Variants in UBE2E2 observed in about 807,000 individuals in gnomAD.
UBE2E2 encodes the protein ubiquitin-conjugating enzyme E2 E2.
A neutral mutation model predicts 24.7 loss-of-function variants in UBE2E2; 6 were observed. That is an observed-to-expected ratio of 0.24 (90% CI 0.13 to 0.48). UBE2E2 has a LOEUF of 0.48. UBE2E2 is among the 20% of genes least tolerant of loss of function. UBE2E2 has a pLI of 0.99. For synonymous variants in UBE2E2, 104 were observed against 83.6 expected, an observed-to-expected ratio of 1.24 and a Z score of -1.33; for missense variants, 169 against 245.0, an observed-to-expected ratio of 0.69 and a Z score of 2.07.
At chr3:23,215,373 A>G (rs1162366911) in intron 2 of UBE2E2, among the ~76,000 whole-genome samples, 4 of 152,152 alleles carry the variant, frequency 2.6e-5, no homozygotes, top group African/African-American at 2.4e-5. Context: ...GATTAACTAC[A>G]AGGCCAGTGT....
chr3:23,369,912 G>C (rs1451351252), intron 3 of UBE2E2, among the ~76,000 whole-genome samples: 2 of 152,040 alleles, frequency 1.3e-5, no homozygotes, highest in Non-Finnish European at 2.9e-5. Context: ...GGAAATTTTA[G>C]GTAAATTTTG....
chr3:23,246,693 G>C (rs1012922207), intron 3 of UBE2E2, among the ~76,000 whole-genome samples: 31 of 151,422 alleles, frequency 2.0e-4, no homozygotes, highest in African/African-American at 7.3e-4. Flanking sequence ...GATATTTTGA[G>C]CTTTGAGTAG....
intron 3 of UBE2E2, among the ~76,000 whole-genome samples, chr3:23,487,731 G>A (rs768233017): frequency 6.6e-6 from 1 of 152,166 alleles, no homozygotes; most frequent in African/African-American, 2.4e-5. Flanking sequence ...GGATTTGGAC[G>A]CTTCATCTCT....
At chr3:23,463,112 T>C (rs1468246879) in intron 3 of UBE2E2, among the ~76,000 whole-genome samples, 1 of 152,150 alleles carries the variant, frequency 6.6e-6, no homozygotes, top group Admixed American at 6.5e-5. Flanking sequence ...ATTTACTGAA[T>C]GTTGCATTAA....
chr3:23,467,271 G>A (rs1258666277), intron 3 of UBE2E2, among the ~76,000 whole-genome samples: 1 of 152,174 alleles, frequency 6.6e-6, no homozygotes, highest in East Asian at 1.9e-4. Context: ...GATCTTTTAA[G>A]TGTGTTTTTT....
At chr3:23,525,127 A>G (rs1397612104) in intron 4 of UBE2E2, among the ~76,000 whole-genome samples, 1 of 152,092 alleles carries the variant, frequency 6.6e-6, no homozygotes, top group Non-Finnish European at 1.5e-5. Flanking sequence ...CACATCACTT[A>G]TCACATCCCC....
intron 3 of UBE2E2, among the ~76,000 whole-genome samples, chr3:23,353,986 A>G (rs894321277): frequency 6.6e-6 from 1 of 152,236 alleles, no homozygotes; most frequent in African/African-American, 2.4e-5. Flanking sequence ...ACTTCAAACT[A>G]TACTACAAGG....
intron 3 of UBE2E2, among the ~76,000 whole-genome samples, chr3:23,353,771 T>C (rs1365743556): frequency 2.0e-5 from 3 of 152,134 alleles, no homozygotes; most frequent in Non-Finnish European, 4.4e-5. Context: ...TCCATGCTCA[T>C]GGGTAGGAAG....
At position 23,515,120 on chromosome 3, in the gene UBE2E2, GGTGTGTGTGT is replaced by G. The variant is rs58387270; in HGVS notation, c.360+15405_360+15414del. On this transcript the variant is annotated intron_variant, in intron 4 of 5. Coordinates refer to ENST00000396703, the MANE Select transcript of UBE2E2 (RefSeq NM_152653.4). Reference sequence around the variant, plus strand: ...AGTTGTAGGGACAAAATAAACTTGGGGTGTGTGTGTGTGTGTGTGTGTGTGTGTGTGTGTA... The same window carrying G: ...AGTTGTAGGGACAAAATAAACTTGGGGTGTGTGTGTGTGTGTGTGTGTGTA... 1.8e-3 allele frequency among the ~76,000 whole-genome samples: 272 copies of G among 148,112 alleles called. 1 individual carries two copies. Among genetic ancestry groups the G allele is most frequent in the African/African-American group, 5.7e-3 (231 of 40,388 alleles).
intron 2 of UBE2E2, among the ~76,000 whole-genome samples, chr3:23,209,560 G>A (rs1696260319): frequency 6.6e-6 from 1 of 152,178 alleles, no homozygotes; most frequent in South Asian, 2.1e-4. Flanking sequence ...TCCTGATCCT[G>A]TGATTTTATG....
intron 5 of UBE2E2, among the ~76,000 whole-genome samples, chr3:23,581,535 TAACA>T (rs1053920557): frequency 5.3e-5 from 8 of 152,212 alleles, no homozygotes; most frequent in African/African-American, 1.9e-4. Flanking sequence ...TTAATTCTCA[TAACA>T]AACTATGAAG....
intron 4 of UBE2E2, among the ~76,000 whole-genome samples, chr3:23,521,664 C>T (rs569359744): frequency 5.3e-5 from 8 of 152,258 alleles, no homozygotes; most frequent in Admixed American, 3.9e-4. Flanking sequence ...GCTTTGAATG[C>T]GGCCAACACA....
chr3:23,236,228 C>A (rs908516643), intron 3 of UBE2E2, among the ~76,000 whole-genome samples: 1 of 151,964 alleles, frequency 6.6e-6, no homozygotes, highest in African/African-American at 2.4e-5. Context: ...CAAGTGAATA[C>A]GAAAGTAGAA....
intron 5 of UBE2E2, among the ~76,000 whole-genome samples, chr3:23,555,073 G>T (rs143826701): frequency 1.3e-5 from 2 of 151,860 alleles, no homozygotes; most frequent in Non-Finnish European, 2.9e-5. Flanking sequence ...CTGCCACCAC[G>T]CCCGTCTAAT....
intron 5 of UBE2E2, among the ~76,000 whole-genome samples, chr3:23,561,791 C>T (rs1030900447): frequency 6.6e-6 from 1 of 152,090 alleles, no homozygotes; most frequent in African/African-American, 2.4e-5. Flanking sequence ...CCTTCACATC[C>T]CTTGTAAGTT....
At chr3:23,235,533 T>C (rs1158306089) in intron 3 of UBE2E2, among the ~76,000 whole-genome samples, 1 of 152,072 alleles carries the variant, frequency 6.6e-6, no homozygotes, top group Non-Finnish European at 1.5e-5. Context: ...GTTTGGCTTT[T>C]ATTAAGATCA....
chr3:23,338,031 A>G (rs1474463739), intron 3 of UBE2E2, among the ~76,000 whole-genome samples: 2 of 152,188 alleles, frequency 1.3e-5, no homozygotes, highest in Non-Finnish European at 2.9e-5. Flanking sequence ...CTACCTGGGA[A>G]GTATAATAAA....
chr3:23,380,945 C>T (rs1273461507), intron 3 of UBE2E2, among the ~76,000 whole-genome samples: 3 of 152,140 alleles, frequency 2.0e-5, no homozygotes, highest in South Asian at 4.2e-4. Context: ...ATTTGGGAAC[C>T]GTTTGAGTTA....
chr3:23,371,747 G>C (rs1444716991), intron 3 of UBE2E2, among the ~76,000 whole-genome samples: 5 of 152,162 alleles, frequency 3.3e-5, no homozygotes, highest in Admixed American at 3.3e-4. Context: ...TTGGGAGGCA[G>C]GAAGGGAATG....
Sources: gnomAD v4.1 joint callset for allele counts (sites outside exome capture counted in the v4.1 genomes callset) on GRCh38, gnomAD v4.1.1 for gene constraint, MANE v1.5 for transcripts, NCBI Gene and HGNC (gene_info 2026-07-23, HGNC 2026-07-21) for gene names.